The following FOXP1 variants were observed in gnomAD, a reference collection of about 807,000 sequenced individuals.
FOXP1 encodes forkhead box protein P1.
In FOXP1, 15 loss-of-function variants were observed where a neutral mutation model predicts 98.2. The observed-to-expected ratio is 0.15, with a 90% CI of 0.10 to 0.24. The LOEUF (loss-of-function observed/expected upper bound fraction) is 0.24, where lower values mean the gene tolerates loss of function less well. FOXP1 is among the 10% of genes least tolerant of loss of function. FOXP1 has a pLI of 1.00. For synonymous variants in FOXP1, 371 were observed against 314.5 expected, an observed-to-expected ratio of 1.18 and a Z score of -1.90; for missense variants, 633 against 848.5, an observed-to-expected ratio of 0.75 and a Z score of 3.15.
intron 3 of FOXP1, among the ~76,000 whole-genome samples, chr3:71,363,797 G>T: frequency 6.6e-6 from 1 of 152,294 alleles, no homozygotes; most frequent in East Asian, 1.9e-4. Flanking sequence ...GTGGGGCCTG[G>T]TGACTGAGTT....
chr3:71,448,687 T>C (rs927350501), intron 3 of FOXP1, among the ~76,000 whole-genome samples: 1 of 152,228 alleles, frequency 6.6e-6, no homozygotes, highest in African/African-American at 2.4e-5. Flanking sequence ...CCTTAACTAG[T>C]AGGTAATGGT....
At position 71,534,484 on chromosome 3, in the gene FOXP1, A is replaced by G. The variant is rs116494770; in HGVS notation, c.-297-40929T>C. ...AATCCACGTATGAGTAGACACCCCCAGTTCAAAGGTCAACTCCACTTCTCA... is the reference window on the plus strand; with the variant it reads ...AATCCACGTATGAGTAGACACCCCCGGTTCAAAGGTCAACTCCACTTCTCA... On this transcript the variant is annotated intron_variant, in intron 2 of 20. Transcript: ENST00000649528. 4.1e-3 allele frequency among the ~76,000 whole-genome samples: 627 copies of G among 152,370 alleles called. 6 individuals carry two copies. The highest frequency in any genetic ancestry group is 0.014 in the African/African-American group (601 of 41,586).
Position 71,255,736 on chromosome 3 carries a change from A to T in FOXP1, c.-12+44084T>A, listed in dbSNP as rs12637408. Among the ~76,000 whole-genome samples, 1,859 of 152,330 alleles carry T rather than the reference A, an allele frequency of 0.012. 110 individuals are homozygous for T. The East Asian group carries it at 0.18, about 15-fold the overall frequency. On this transcript the variant is annotated intron_variant, in intron 5 of 20. Coordinates refer to ENST00000649528, the MANE Select transcript of FOXP1 (RefSeq NM_001349338.3). ...GAGTAATCCTTGGAGATGAAAAATG[A>T]CAAATACACATATTATGTTTTATTA...
chr3:70,991,270 G>C (rs915945236), intron 13 of FOXP1, among the ~76,000 whole-genome samples: 1 of 152,106 alleles, frequency 6.6e-6, no homozygotes, highest in Non-Finnish European at 1.5e-5. Flanking sequence ...GGTTCTTACT[G>C]TATCTTCCCC....
intron 2 of FOXP1, among the ~76,000 whole-genome samples, chr3:71,558,291 G>C (rs1174461218): frequency 6.6e-6 from 1 of 152,042 alleles, no homozygotes; most frequent in African/African-American, 2.4e-5. Flanking sequence ...CCCTAACAGG[G>C]GCCATTAACC....
At chr3:71,580,665 G>A (rs1224716060) in intron 2 of FOXP1, among the ~76,000 whole-genome samples, 1 of 152,030 alleles carries the variant, frequency 6.6e-6, no homozygotes, top group Non-Finnish European at 1.5e-5. Flanking sequence ...TTCTTGCTGT[G>A]GAAAACGGGG....
At chr3:71,434,888 C>G (rs1434344312) in intron 3 of FOXP1, among the ~76,000 whole-genome samples, 2 of 152,006 alleles carry the variant, frequency 1.3e-5, no homozygotes, top group Non-Finnish European at 2.9e-5. Flanking sequence ...TTCAGCTTCA[C>G]CAAGGAGTCC....
intron 5 of FOXP1, among the ~76,000 whole-genome samples, chr3:71,212,305 C>T (rs2064541765): frequency 6.6e-6 from 1 of 152,186 alleles, no homozygotes; most frequent in Non-Finnish European, 1.5e-5. Context: ...CTACAGGAGA[C>T]TTAAGAGACC....
At chr3:71,580,182 A>C (rs2107878874) in intron 2 of FOXP1, among the ~76,000 whole-genome samples, 1 of 116,242 alleles carries the variant, frequency 8.6e-6, no homozygotes, top group South Asian at 2.4e-4. Flanking sequence ...CAAAAAAAAA[A>C]AAAAAGTGAT....
chr3:71,402,637 TG>T (rs1486333353), intron 3 of FOXP1, among the ~76,000 whole-genome samples: 1 of 152,216 alleles, frequency 6.6e-6, no homozygotes, highest in Non-Finnish European at 1.5e-5. Context: ...CAATATAGTT[TG>T]ATACTAAACT....
At chr3:71,562,604 T>G (rs1395128882) in intron 2 of FOXP1, among the ~76,000 whole-genome samples, 1 of 152,208 alleles carries the variant, frequency 6.6e-6, no homozygotes, top group Non-Finnish European at 1.5e-5. Context: ...ATGTGAATTA[T>G]CCTTACAACA....
At chr3:71,235,153 C>A (rs560232911) in intron 5 of FOXP1, among the ~76,000 whole-genome samples, 1 of 152,010 alleles carries the variant, frequency 6.6e-6, no homozygotes, top group Admixed American at 6.5e-5. Context: ...CTTAGCAAAG[C>A]GACTGTAGAT....
At chr3:71,218,317 A>G (rs1050413728) in intron 5 of FOXP1, among the ~76,000 whole-genome samples, 1 of 152,228 alleles carries the variant, frequency 6.6e-6, no homozygotes, top group African/African-American at 2.4e-5. Context: ...TAAATTCAAA[A>G]GAGAGTTTTC....
intron 11 of FOXP1, among the ~76,000 whole-genome samples, chr3:71,023,852 A>G (rs548066396): frequency 6.6e-6 from 1 of 152,338 alleles, no homozygotes; most frequent in South Asian, 2.1e-4. Flanking sequence ...CTCGAATGAA[A>G]TATGCTCAGT....
chr3:71,415,292 C>T (rs2083122127), intron 3 of FOXP1, among the ~76,000 whole-genome samples: 1 of 151,680 alleles, frequency 6.6e-6, no homozygotes, highest in African/African-American at 2.4e-5. Flanking sequence ...AGGATCCCAG[C>T]AATTTTTTTA....
In FOXP1 at chr3:70,977,588, T is replaced by C. The variant is rs558087644; in HGVS notation, c.1428+55A>G. The C allele has an allele frequency of 1.6e-5, 22 of 1,363,234 alleles. No individual in the cohort carries two copies. In the African/African-American group the frequency reaches 2.7e-4, roughly 17 times the overall value. The allele number at this position is 1,363,234 out of a possible 1,614,324, so 84.4% of individuals were successfully genotyped here. A position where few individuals can be genotyped will look rare whatever the true frequency, so the allele number is the denominator to read the frequency against. Reference sequence around the variant, plus strand: ...TTTAAATCTACTTCATCAATATATATCCATGTACACATATACCTTCTGACA... The same window carrying C: ...TTTAAATCTACTTCATCAATATATACCCATGTACACATATACCTTCTGACA... On this transcript the variant is annotated intron_variant, in intron 16 of 20. Coordinates refer to ENST00000649528, the MANE Select transcript of FOXP1 (RefSeq NM_001349338.3).
At chr3:71,186,096 T>C (rs2062627814) in intron 6 of FOXP1, among the ~76,000 whole-genome samples, 1 of 152,212 alleles carries the variant, frequency 6.6e-6, no homozygotes, top group Non-Finnish European at 1.5e-5. Context: ...GAATGCAGGG[T>C]GATACTGAGA....
At chr3:71,326,847 C>T (rs1052940292) in intron 4 of FOXP1, among the ~76,000 whole-genome samples, 1 of 152,032 alleles carries the variant, frequency 6.6e-6, no homozygotes, top group African/African-American at 2.4e-5. Context: ...AGATGAACTC[C>T]GGATGAACTG....
At chr3:71,404,750 A>G (rs2108233552) in intron 3 of FOXP1, among the ~76,000 whole-genome samples, 1 of 152,348 alleles carries the variant, frequency 6.6e-6, no homozygotes, top group African/African-American at 2.4e-5. Flanking sequence ...CTCAATTCAC[A>G]TATGAGAAGA....
Sources: allele counts gnomAD v4.1 joint callset (sites outside exome capture counted in the v4.1 genomes callset), GRCh38; gene constraint gnomAD v4.1.1; transcripts MANE v1.5; gene names NCBI Gene and HGNC (gene_info 2026-07-23, HGNC 2026-07-21).